Variants in BCL11B observed in about 807,000 individuals in gnomAD.
The protein encoded by BCL11B is B-cell lymphoma/leukemia 11B.
In BCL11B, 8 loss-of-function variants were observed where a neutral mutation model predicts 49.9. That is an observed-to-expected ratio of 0.16 (90% CI 0.09 to 0.29). BCL11B has a LOEUF of 0.29. Ranked by LOEUF, BCL11B falls within the 10% of genes least tolerant of loss-of-function variation. The pLI is 1.00. For missense variants in BCL11B, 1,006 were observed against 1,351.0 expected (o/e 0.74, Z 4.00); for synonymous variants, 739 against 637.4 (o/e 1.16, Z -2.40).
chr14:99,270,439 G>A (rs1278559876), intron 1 of BCL11B, among the ~76,000 whole-genome samples: 1 of 139,174 alleles, frequency 7.2e-6, no homozygotes, highest in East Asian at 2.4e-4. Context: ...GTGGGGGAAA[G>A]AAGACAAGAT....
chr14:99,243,988 C>G (rs922494071), intron 2 of BCL11B, among the ~76,000 whole-genome samples: 45 of 149,974 alleles, frequency 3.0e-4, no homozygotes, highest in African/African-American at 1.0e-3. Flanking sequence ...TGGCAGGGCT[C>G]GGAAGCACAC....
intron 1 of BCL11B, chr14:99,264,126 C>CT (rs994078713): frequency 1.4e-5 from 2 of 145,090 alleles, no homozygotes; most frequent in African/African-American, 4.8e-5. Flanking sequence ...TAACATTATG[C>CT]TTTTTTCAAA....
chr14:99,253,729 G>T (rs1321340106), intron 2 of BCL11B, among the ~76,000 whole-genome samples: 1 of 151,934 alleles, frequency 6.6e-6, no homozygotes, highest in African/African-American at 2.4e-5. Context: ...GCTTGGCAGC[G>T]CCACGTGCTC....
At chr14:99,207,414 C>CCTTG (rs1887563489) in intron 3 of BCL11B, among the ~76,000 whole-genome samples, 1 of 152,160 alleles carries the variant, frequency 6.6e-6, no homozygotes, top group Admixed American at 6.5e-5. Flanking sequence ...CTAGCTGAGA[C>CCTTG]CTTGGGACCA....
intron 3 of BCL11B, among the ~76,000 whole-genome samples, chr14:99,227,621 C>T (rs1280329804): frequency 6.6e-6 from 1 of 152,210 alleles, no homozygotes; most frequent in Non-Finnish European, 1.5e-5. Context: ...AGCAGCTCCA[C>T]ACTGACCTGT....
chr14:99,244,632 G>C (rs1174896328), intron 2 of BCL11B, among the ~76,000 whole-genome samples: 1 of 152,190 alleles, frequency 6.6e-6, no homozygotes, highest in Non-Finnish European at 1.5e-5. Flanking sequence ...TTCCTGTCCA[G>C]GACTGGCAGT....
intron 3 of BCL11B, among the ~76,000 whole-genome samples, chr14:99,214,133 TC>T (rs903748763): frequency 6.6e-5 from 10 of 151,928 alleles, no homozygotes; most frequent in Middle Eastern, 3.2e-3. Flanking sequence ...ACAGTGAGTG[TC>T]CCCCCATCCA....
intron 2 of BCL11B, among the ~76,000 whole-genome samples, chr14:99,254,287 T>G (rs1889093301): frequency 1.3e-5 from 2 of 152,200 alleles, no homozygotes; most frequent in South Asian, 4.1e-4. Flanking sequence ...TAACAGTAAT[T>G]ACTCTCCAGA....
At chr14:99,193,208 G>C (rs77807606) in intron 3 of BCL11B, among the ~76,000 whole-genome samples, 1 of 152,166 alleles carries the variant, frequency 6.6e-6, no homozygotes, top group Non-Finnish European at 1.5e-5. Flanking sequence ...ACCACTGTCT[G>C]TTCGCACACT....
intron 1 of BCL11B, among the ~76,000 whole-genome samples, chr14:99,269,109 G>A (rs1189556750): frequency 6.6e-6 from 1 of 152,004 alleles, no homozygotes; most frequent in Non-Finnish European, 1.5e-5. Context: ...CTGGCTCGCC[G>A]CTGCTGCCAG....
rs1354094696 is a variant in BCL11B at position 99,173,110 on chromosome 14, T to A, written c.*1041A>T. On this transcript the variant is annotated 3_prime_UTR_variant, in exon 4 of 4. Coordinates refer to ENST00000357195, the MANE Select transcript of BCL11B (RefSeq NM_138576.4). ...GTGATTTAAAAAAAGAGAGAAGCCG[T>A]CAAGCCAGAAAACGCCTAAAAGAAC... The A allele has an allele frequency of 4.3e-6, 1 of 230,450 alleles. No homozygotes were observed. The highest frequency in any genetic ancestry group is 2.2e-5 in the African/African-American group (1 of 45,090). 14.3% of individuals were successfully genotyped at this position (230,450 alleles called of 1,614,324 possible).
Position 99,205,471 on chromosome 14 carries a change from C to T in BCL11B, c.640+25874G>A, listed in dbSNP as rs925403211. 5.3e-5 allele frequency among the ~76,000 whole-genome samples: 8 copies of T among 152,178 alleles called. No individual in the cohort carries two copies. Among genetic ancestry groups the T allele is most frequent in the African/African-American group, 1.7e-4 (7 of 41,442 alleles). ...TGACTGGTTAAATGCGCCCAAGGAC[C>T]AGGCGCTCGCTACACCAGCATGCCA... On this transcript the variant is annotated intron_variant, in intron 3 of 3. Coordinates refer to ENST00000357195, the MANE Select transcript of BCL11B (RefSeq NM_138576.4). This position sits in a 1 kb window ranked among gnomAD's most constrained non-coding sequence, Gnocchi z 5.0.
chr14:99,207,298 C>G (rs1427696267), intron 3 of BCL11B, among the ~76,000 whole-genome samples: 1 of 152,142 alleles, frequency 6.6e-6, no homozygotes, highest in Non-Finnish European at 1.5e-5. Flanking sequence ...AATAGCTGCT[C>G]CAGCTCAGGG....
At chr14:99,260,226 C>T (rs762158968) in intron 1 of BCL11B, among the ~76,000 whole-genome samples, 8 of 152,128 alleles carry the variant, frequency 5.3e-5, no homozygotes, top group Admixed American at 6.5e-5. Flanking sequence ...GGGCGAGGTG[C>T]GGTACCTGGT....
In BCL11B at chr14:99,174,498, C is replaced by T. The variant is rs1430747853; in HGVS notation, c.2338G>A (p.Gly780Ser). Residue 780 changes from glycine (G) to serine (S), a missense_variant, in exon 4 of 4, where the codon GGC becomes AGC. By Grantham distance (56) the Gly-to-Ser change is moderately conservative. Around this residue, in one of 6 missense-constraint regions of BCL11B, gnomAD observed 443 missense variants for 499.7 expected, o/e 0.89. Transcript: ENST00000357195. The stretch of plus-strand genomic sequence containing the variant: ...CTGGGCCGCCCGGGGCCCGGGCCGC[C>T]CAGGTGCGGGGTGCTGCCTCCGCTG... ...TASGGSTPHL[G>S]GPGPGRPSSK... is the part of the protein sequence containing the mutation. 4.6e-6 allele frequency: 7 copies of T among 1,535,670 alleles called. No individual in the cohort carries two copies. Among genetic ancestry groups the T allele is most frequent in the African/African-American group, 1.4e-5 (1 of 71,294 alleles).
chr14:99,233,033 G>A (rs554202928), intron 2 of BCL11B, among the ~76,000 whole-genome samples: 6 of 152,286 alleles, frequency 3.9e-5, no homozygotes, highest in Admixed American at 1.3e-4. Context: ...GATAGCCCTG[G>A]AAGGATGTGG....
At chr14:99,260,627 C>A (rs575113327) in intron 1 of BCL11B, among the ~76,000 whole-genome samples, 2 of 152,184 alleles carry the variant, frequency 1.3e-5, no homozygotes, top group African/African-American at 4.8e-5. Flanking sequence ...TATGTACCAG[C>A]ACTTTTTCCT....
chr14:99,193,246 C>A (rs1238957832), intron 3 of BCL11B, among the ~76,000 whole-genome samples: 2 of 152,118 alleles, frequency 1.3e-5, no homozygotes, highest in Admixed American at 1.3e-4. Flanking sequence ...ATGTTGTTTA[C>A]AAAGGTTTCA....
At chr14:99,251,994 G>A (rs1036640740) in intron 2 of BCL11B, among the ~76,000 whole-genome samples, 11 of 152,282 alleles carry the variant, frequency 7.2e-5, no homozygotes, top group African/African-American at 2.6e-4. Flanking sequence ...ATATTTCAAG[G>A]TTGAAGAATT....
Sources: gnomAD v4.1 joint callset for allele counts (sites outside exome capture counted in the v4.1 genomes callset) on GRCh38, gnomAD v4.1.1 for gene constraint, gnomAD v4.1.1 regional missense constraint, Gnocchi (gnomAD v3.1) non-coding constraint, MANE v1.5 for transcripts, NCBI Gene and HGNC (gene_info 2026-07-23, HGNC 2026-07-21) for gene names.